The following CASP10 variants were observed in gnomAD, a reference collection of about 807,000 sequenced individuals.
The protein encoded by CASP10 is caspase-10.
CASP10 carries 41 observed loss-of-function variants against 48.5 expected under a neutral mutation model. The observed-to-expected ratio is 0.85, with a 90% CI of 0.66 to 1.10. CASP10 has a LOEUF of 1.10. Among genes scored for constraint, CASP10 ranks in the 50% least tolerant of loss-of-function variants. The pLI is 0.00. For synonymous variants in CASP10, 232 were observed against 238.4 expected, an observed-to-expected ratio of 0.97 and a Z score of 0.25; for missense variants, 614 against 614.5, an observed-to-expected ratio of 1.00 and a Z score of 0.01.
intron 3 of CASP10, among the ~76,000 whole-genome samples, chr2:201,192,710 T>A (rs1944652753): frequency 6.6e-6 from 1 of 152,208 alleles, no homozygotes; most frequent in African/African-American, 2.4e-5. Context: ...TATAATAATA[T>A]CTACTTATTC....
intron 9 of CASP10, chr2:201,214,002 A>G (rs1278166837): frequency 2.0e-5 from 3 of 152,186 alleles, no homozygotes; most frequent in South Asian, 4.1e-4. Flanking sequence ...GTGCTTATAC[A>G]TGGGCTTTGG....
At chr2:201,200,628 G>A in intron 5 of CASP10, 2 of 1,452,690 alleles carry the variant, frequency 1.4e-6, no homozygotes, top group Middle Eastern at 2.5e-4. Context: ...GGCAGGTGGA[G>A]GTATTTAGGC....
At chr2:201,208,958 G>A (rs776349041) in intron 8 of CASP10, 112 bp from the exon 9 acceptor site, 59 of 1,185,680 alleles carry the variant, frequency 5.0e-5, no homozygotes, top group Non-Finnish European at 6.6e-5. Context: ...GATTATAGGT[G>A]TGAGCCACTG....
At chr2:201,185,745 C>T (rs774630500) in intron 1 of CASP10, 26 bp from the exon 2 acceptor site, 1 of 1,493,728 alleles carries the variant, frequency 6.7e-7, no homozygotes, top group South Asian at 1.1e-5. Context: ...CTCTAACTCC[C>T]TGCCCCACCT....
intron 1 of CASP10, among the ~76,000 whole-genome samples, chr2:201,184,887 T>C (rs1944359502): frequency 6.6e-6 from 1 of 152,144 alleles, no homozygotes; most frequent in South Asian, 2.1e-4. Context: ...GAATGGCTAC[T>C]CCATAGACAG....
Position 201,218,445 on chromosome 2 carries a change from G to A in CASP10, c.*704G>A, listed in dbSNP as rs1945640247. On this transcript the variant is annotated 3_prime_UTR_variant, in exon 10 of 10. Coordinates refer to ENST00000286186, the MANE Select transcript of CASP10 (RefSeq NM_032977.4). ...AGCCTCCCAAGTAGCTGAGACTACA[G>A]GTGTGTGTCCATGCACAGCTAACTT... 2 of 673,184 alleles carry A rather than the reference G, an allele frequency of 3.0e-6. No individual in the cohort carries two copies. Among genetic ancestry groups the A allele is most frequent in the Non-Finnish European group, 1.8e-6 (1 of 545,266 alleles). The allele number at this position is 673,184 out of a possible 1,614,324, so 41.7% of individuals were successfully genotyped here.
At chr2:201,222,220 CTTT>C (rs11392581), downstream of CASP10, among the ~76,000 whole-genome samples, 8 of 136,624 alleles carry the variant, frequency 5.9e-5, no homozygotes, top group African/African-American at 8.1e-5. Context: ...TTTATTCATT[CTTT>C]TTTTTTTTTT....
chr2:201,188,112 A>G (rs1376827931), intron 3 of CASP10, among the ~76,000 whole-genome samples: 2 of 152,196 alleles, frequency 1.3e-5, no homozygotes, highest in South Asian at 2.1e-4. Context: ...AAGCATTAGC[A>G]TGAGGCCAAT....
intron 3 of CASP10, among the ~76,000 whole-genome samples, chr2:201,192,249 C>G (rs1016124522): frequency 6.6e-6 from 1 of 152,044 alleles, no homozygotes; most frequent in African/African-American, 2.4e-5. Context: ...CAAAAATTAG[C>G]TGGATGTGGT....
rs1248753016 is a variant in CASP10, at chr2:201,193,854, A to G, written c.577+735A>G. ...CCAGGACTCCACTTACTAGTGGTGC[A>G]GTGGTACTTTTTTGGCTTTTCTATG... On this transcript the variant is annotated intron_variant, in intron 4 of 9. Coordinates refer to ENST00000286186, the MANE Select transcript of CASP10 (RefSeq NM_032977.4). 2.0e-5 allele frequency among the ~76,000 whole-genome samples: 3 copies of G among 152,206 alleles called. No homozygotes were observed. The East Asian group carries it at 5.8e-4, about 29-fold the overall frequency.
In CASP10 at chr2:201,185,765, T is replaced by G. The variant is rs1417913180; in HGVS notation, c.-7-6T>G. On this transcript the variant is annotated splice_region_variant and splice_polypyrimidine_tract_variant and intron_variant, in intron 1 of 9. Coordinates refer to ENST00000286186, the MANE Select transcript of CASP10 (RefSeq NM_032977.4). The stretch of plus-strand genomic sequence containing the variant: ...ACTCCCTGCCCCACCTCTCTGTCCC[T>G]TTCAGGCTGGCCATGAAATCTCAAG... 2.5e-6 allele frequency: 4 copies of G among 1,599,670 alleles called. No individual in the cohort carries two copies. The highest frequency in any genetic ancestry group is 3.4e-6 in the Non-Finnish European group (4 of 1,166,988).
At position 201,218,028 on chromosome 2, in the gene CASP10, C is replaced by A; in HGVS notation, c.*287C>A. 1 of 815,778 alleles carries A rather than the reference C, an allele frequency of 1.2e-6. No homozygotes were observed. The highest frequency in any genetic ancestry group is 1.7e-6 in the Non-Finnish European group (1 of 594,078). The allele number at this position is 815,778 out of a possible 1,614,324, so 50.5% of individuals were successfully genotyped here. ...TCCCAGGCTCAAGCTGTCCTCCCGC[C>A]TCAGCTTCCCAAGTAGCTGGGACCA... On this transcript the variant is annotated 3_prime_UTR_variant, in exon 10 of 10. Transcript: ENST00000286186.
chr2:201,219,530 T>C lies in CASP10; in HGVS notation c.*1789T>C. 3.0e-6 allele frequency: 3 copies of C among 985,366 alleles called. No individual in the cohort carries two copies. The highest frequency in any genetic ancestry group is 3.6e-6 in the Non-Finnish European group (3 of 829,936). The allele number at this position is 985,366 out of a possible 1,614,324, so 61.0% of individuals were successfully genotyped here. A position where few individuals can be genotyped will look rare whatever the true frequency, so the allele number is the denominator to read the frequency against. On this transcript the variant is annotated 3_prime_UTR_variant, in exon 10 of 10. Transcript: ENST00000286186. ...CCACCTTGTTACTGCTACTACACTT[T>C]GCTCCTCTGGCCCAAGGCATGAGGA... is the stretch of plus-strand genomic sequence containing the variant.
rs2126065803 is a variant in CASP10 at position 201,221,090 on chromosome 2, T to G, written c.*3349T>G. ...TAAATGCCTTTAGGTGGTAGGGTCT[T>G]CCGGTTGTAACTGCAACAGAAATAG... On this transcript the variant is annotated 3_prime_UTR_variant, in exon 10 of 10. Coordinates refer to ENST00000286186, the MANE Select transcript of CASP10 (RefSeq NM_032977.4). 1.0e-6 allele frequency: 1 copy of G among 985,448 alleles called. No individual in the cohort carries two copies. 61.0% of individuals were successfully genotyped at this position (985,448 alleles called of 1,614,324 possible). A position where few individuals can be genotyped will look rare whatever the true frequency, so the allele number is the denominator to read the frequency against.
chr2:201,200,578 G>T, intron 5 of CASP10: 1 of 1,578,342 alleles, frequency 6.3e-7, no homozygotes. Flanking sequence ...ACACAGAGCC[G>T]GGAGAGGCCT....
intron 9 of CASP10, among the ~76,000 whole-genome samples, chr2:201,210,124 T>A (rs988712935): frequency 6.6e-6 from 1 of 152,236 alleles, no homozygotes; most frequent in African/African-American, 2.4e-5. Flanking sequence ...TTTTATTTGT[T>A]CGTTTATTTA....
chr2:201,229,297 A>G (rs1945831272), exon 10 of CASP10: 1 of 595,596 alleles, frequency 1.7e-6, no homozygotes, highest in South Asian at 2.0e-5. Context: ...TACTTCTAAA[A>G]TTCCCATTTT....
downstream of CASP10, among the ~76,000 whole-genome samples, chr2:201,223,104 C>A (rs541609204): frequency 6.6e-6 from 1 of 152,170 alleles, no homozygotes; most frequent in East Asian, 1.9e-4. Flanking sequence ...CTCTTTGGGG[C>A]GACTGCTTCA....
chr2:201,185,203 A>G (rs937430806), intron 1 of CASP10, among the ~76,000 whole-genome samples: 2 of 152,166 alleles, frequency 1.3e-5, no homozygotes, highest in African/African-American at 4.8e-5. Flanking sequence ...CATGTTGCTC[A>G]GGCTTGAGGT....
Sources: allele counts gnomAD v4.1 joint callset (sites outside exome capture counted in the v4.1 genomes callset), GRCh38; gene constraint gnomAD v4.1.1; transcripts MANE v1.5; gene names NCBI Gene and HGNC (gene_info 2026-07-23, HGNC 2026-07-21).